MYH1: variants seen among roughly 807,000 people sequenced by gnomAD.
The protein encoded by MYH1 is myosin heavy chain 1, also known as myosin-1.
MYH1 carries 214 observed loss-of-function variants against 225.6 expected under a neutral mutation model. The observed-to-expected ratio is 0.95, with a 90% CI of 0.85 to 1.06. The LOEUF (loss-of-function observed/expected upper bound fraction) is 1.06. Among genes scored for constraint, MYH1 ranks in the 50% least tolerant of loss-of-function variants. MYH1 has a pLI of 0.00. For synonymous variants in MYH1, 774 were observed against 842.3 expected, an observed-to-expected ratio of 0.92 and a Z score of 1.40; for missense variants, 2,098 against 2,344.2, an observed-to-expected ratio of 0.89 and a Z score of 2.17.
intron 22 of MYH1, among the ~76,000 whole-genome samples, chr17:10,503,612 A>G (rs1242781543): frequency 6.6e-6 from 1 of 152,238 alleles, no homozygotes; most frequent in African/African-American, 2.4e-5. Flanking sequence ...AGAGAAGGGT[A>G]CTATCAGAAA....
intron 39 of MYH1, among the ~76,000 whole-genome samples, chr17:10,494,115 TG>T (rs2072962355): frequency 6.6e-6 from 1 of 152,202 alleles, no homozygotes; most frequent in Non-Finnish European, 1.5e-5. Context: ...CTCCTTTTTT[TG>T]TCTGCTTCTT....
At chr17:10,505,740 G>T (rs2073104740) in intron 19 of MYH1, 72 bp downstream of exon 19, 1 of 1,581,852 alleles carries the variant, frequency 6.3e-7, no homozygotes, top group Non-Finnish European at 8.7e-7. Context: ...AGGTATAAAG[G>T]ATTCTTTCAT....
chr17:10,496,660 A>C (rs2142256242), intron 33 of MYH1, 111 bp from the exon 34 acceptor site: 1 of 1,507,276 alleles, frequency 6.6e-7, no homozygotes, highest in Non-Finnish European at 9.0e-7. Context: ...ATTTCTAAGT[A>C]GTAGTAAGAT....
chr17:10,502,539 T>C (rs112953783), intron 24 of MYH1, among the ~76,000 whole-genome samples, 199 bp downstream of exon 24: 4 of 152,184 alleles, frequency 2.6e-5, no homozygotes, highest in African/African-American at 9.7e-5. Flanking sequence ...TTGTCTATTA[T>C]TCACAGTTAA....
intron 14 of MYH1, among the ~76,000 whole-genome samples, chr17:10,510,705 ATAT>A (rs1450517752): frequency 6.6e-6 from 1 of 152,168 alleles, no homozygotes; most frequent in East Asian, 1.9e-4. Flanking sequence ...CAAAGACCAC[ATAT>A]TATCCGATTC....
intron 17 of MYH1, among the ~76,000 whole-genome samples, chr17:10,506,955 A>T (rs1012395628): frequency 2.0e-5 from 3 of 152,214 alleles, no homozygotes; most frequent in African/African-American, 7.2e-5. Flanking sequence ...CAGCCATGTT[A>T]CCAAGCGTGT....
In MYH1 at chr17:10,507,749, G is replaced by T. The variant is rs1646508500; in HGVS notation, c.1968+137C>A. On this transcript the variant is annotated intron_variant, in intron 17 of 39. Transcript: ENST00000226207. ...CTATCCTCAAGCTCCCTAAAACTCA[G>T]TCTTACCACTACCAGCTGAACTATC... is the stretch of plus-strand genomic sequence containing the variant. The T allele has an allele frequency of 5.5e-6, 4 of 724,550 alleles. No homozygotes were observed. In the South Asian group the frequency reaches 7.7e-5, roughly 14 times the overall value. The allele number at this position is 724,550 out of a possible 1,614,324, so 44.9% of individuals were successfully genotyped here. A position where few individuals can be genotyped will look rare whatever the true frequency, so the allele number is the denominator to read the frequency against.
Position 10,512,548 on chromosome 17 carries a change from T to C in MYH1, c.1009-2A>G. ...AAAGCCCAGAATTTCAATGGCACTCTACCATGAGAGATGAGAAGACAAAGA... is the reference window on the plus strand; with the variant it reads ...AAAGCCCAGAATTTCAATGGCACTCCACCATGAGAGATGAGAAGACAAAGA... On this transcript the variant is annotated splice_acceptor_variant, in intron 11 of 39. Transcript: ENST00000226207. LOFTEE classifies it high-confidence loss of function. 6.2e-7 allele frequency: 1 copy of C among 1,614,100 alleles called. No individual in the cohort carries two copies. Among genetic ancestry groups the C allele is most frequent in the South Asian group, 1.1e-5 (1 of 91,078 alleles).
intron 24 of MYH1, 57 bp from the exon 25 acceptor site, chr17:10,501,968 G>C (rs1384129973): frequency 6.6e-7 from 1 of 1,515,574 alleles, no homozygotes. Flanking sequence ...TTTTGTCCCA[G>C]ATGAAATTTT....
At chr17:10,509,721 T>C in intron 14 of MYH1, 66 bp from the exon 15 acceptor site, 1 of 1,613,208 alleles carries the variant, frequency 6.2e-7, no homozygotes, top group Non-Finnish European at 8.5e-7. Flanking sequence ...GAAAGGGGTG[T>C]TTTTTTAGTT....
chr17:10,516,766 G>T, intron 2 of MYH1, 84 bp from the exon 3 acceptor site: 2 of 1,176,098 alleles, frequency 1.7e-6, no homozygotes, highest in South Asian at 1.6e-5. Context: ...AAAATTTACT[G>T]ACCAATTGAG....
At position 10,507,797 on chromosome 17, in the gene MYH1, G is replaced by A. The variant is rs1048474674; in HGVS notation, c.1968+89C>T. 12 of 1,090,848 alleles carry A rather than the reference G, an allele frequency of 1.1e-5. No homozygotes were observed. In the Admixed American group the frequency reaches 2.0e-4, roughly 18 times the overall value. 67.6% of individuals were successfully genotyped at this position (1,090,848 alleles called of 1,614,324 possible). A position where few individuals can be genotyped will look rare whatever the true frequency, so the allele number is the denominator to read the frequency against. ...ATCTCGTTGAGTCACATCAGTTCTA[G>A]AATCCTTGCAAGGTTAGTTTTTTCC... On this transcript the variant is annotated intron_variant, in intron 17 of 39. Transcript: ENST00000226207.
chr17:10,493,793 C>T (rs2072959095), intron 39 of MYH1, among the ~76,000 whole-genome samples: 1 of 152,202 alleles, frequency 6.6e-6, no homozygotes, highest in South Asian at 2.1e-4. Flanking sequence ...AACCTATTAG[C>T]AATCTTGTAG....
chr17:10,508,974 C>T (rs1464593296), intron 15 of MYH1, among the ~76,000 whole-genome samples: 3 of 152,102 alleles, frequency 2.0e-5, no homozygotes, highest in African/African-American at 2.4e-5. Context: ...GTGTGACTTG[C>T]GAATTAGCTG....
rs201388550 is a variant in MYH1, at chr17:10,496,326, T to C, written c.4880A>G (p.Asn1627Ser). 2.1e-5 allele frequency: 34 copies of C among 1,614,012 alleles called. No homozygotes were observed. In the East Asian group the frequency reaches 3.8e-4, roughly 18 times the overall value. Residue 1627 changes from asparagine (N) to serine (S), a missense_variant, in exon 34 of 40, where the codon AAT (asparagine) becomes AGT (serine). By Grantham distance (46) the Asn-to-Ser change is conservative. Transcript: ENST00000226207. ...ATGGTTCAGCTGGATTTCCATTTCA[T>C]TGAGGTCTCCCTCCATCTTCTTCTT... is the stretch of plus-strand genomic sequence containing the variant. Reference protein sequence around the residue: ...RLKKKMEGDLNEMEIQLNHAN... With the variant: ...RLKKKMEGDLSEMEIQLNHAN...
Position 10,508,607 on chromosome 17 carries a change from G to C in MYH1, c.1653C>G (p.Phe551Leu). The change falls in exon 16 of 40, where the codon TTC becomes TTG. Residue 551 changes from phenylalanine to leucine, a missense_variant. By Grantham distance (22) the Phe-to-Leu change is conservative. Coordinates refer to ENST00000226207, the MANE Select transcript of MYH1 (RefSeq NM_005963.4). ...CMFPKATDTS[F>L]KNKLYEQHLG... ...GATGTTGTTCATACAGCTTGTTCTTGAAGGAGGTGTCTGTCGCCTTGGGGA... is the reference window on the plus strand; with the variant it reads ...GATGTTGTTCATACAGCTTGTTCTTCAAGGAGGTGTCTGTCGCCTTGGGGA... 1 of 1,614,234 alleles carries C rather than the reference G, an allele frequency of 6.2e-7. No individual in the cohort carries two copies.
Position 10,508,603 on chromosome 17 carries a change from T to C in MYH1, c.1657A>G (p.Asn553Asp), listed in dbSNP as rs746628096. The change falls in exon 16 of 40, where the codon AAC becomes GAC. Residue 553 changes from asparagine to aspartate, a missense_variant. Physicochemically the swap from Asn to Asp is conservative, Grantham distance 23. Coordinates refer to ENST00000226207, the MANE Select transcript of MYH1 (RefSeq NM_005963.4). ...CCAAGATGTTGTTCATACAGCTTGT[T>C]CTTGAAGGAGGTGTCTGTCGCCTTG... ...FPKATDTSFK[N>D]KLYEQHLGKS... 4 of 1,614,120 alleles carry C rather than the reference T, an allele frequency of 2.5e-6. No homozygotes were observed. In the Admixed American group the frequency reaches 5.0e-5, roughly 20 times the overall value.
Position 10,496,165 on chromosome 17 carries a change from A to G in MYH1, c.4966-12T>C. ...TGGAGCTGGGTATCCTGTGGAACAAACCGTCATTGAGACACCATGTATTCA... is the reference window on the plus strand; with the variant it reads ...TGGAGCTGGGTATCCTGTGGAACAAGCCGTCATTGAGACACCATGTATTCA... On this transcript the variant is annotated splice_polypyrimidine_tract_variant and intron_variant, in intron 34 of 39. Coordinates refer to ENST00000226207, the MANE Select transcript of MYH1 (RefSeq NM_005963.4). 1 of 1,614,164 alleles carries G rather than the reference A, an allele frequency of 6.2e-7. No homozygotes were observed. Among genetic ancestry groups the G allele is most frequent in the South Asian group, 1.1e-5 (1 of 91,080 alleles).
chr17:10,504,808 A>C lies in MYH1; in HGVS notation c.2691+2T>G, dbSNP rs140159458. 1.5e-5 allele frequency: 25 copies of C among 1,613,706 alleles called. No individual in the cohort carries two copies. The African/African-American group carries it at 3.1e-4, about 20-fold the overall frequency. On this transcript the variant is annotated splice_donor_variant, in intron 22 of 39. Coordinates refer to ENST00000226207, the MANE Select transcript of MYH1 (RefSeq NM_005963.4). LOFTEE classifies it high-confidence loss of function. ...TGCAGGAAATGACTTCGGGATACTC[A>C]CAGCTTGAACCTGGAGTTGCAAGTC...
Sources: allele counts gnomAD v4.1 joint callset (sites outside exome capture counted in the v4.1 genomes callset), GRCh38; gene constraint gnomAD v4.1.1; transcripts MANE v1.5; gene names NCBI Gene and HGNC (gene_info 2026-07-23, HGNC 2026-07-21).